The following DESI2 variants were observed in gnomAD, a reference collection of about 807,000 sequenced individuals.
DESI2 encodes the protein desumoylating isopeptidase 2.
Under a neutral mutation model 24.1 loss-of-function variants are expected in DESI2, and 10 were observed. That is an observed-to-expected ratio of 0.41 (90% CI 0.26 to 0.70). DESI2 has a LOEUF of 0.70. DESI2 is among the 30% of genes least tolerant of loss of function. DESI2 has a pLI of 0.29. For synonymous variants in DESI2, 71 were observed against 87.7 expected (o/e 0.81, Z 1.06); for missense variants, 122 against 234.9 (o/e 0.52, Z 3.14).
chr1:244,696,489 G>A (rs918693181), intron 4 of DESI2, among the ~76,000 whole-genome samples: 2 of 152,070 alleles, frequency 1.3e-5, no homozygotes, highest in African/African-American at 4.8e-5. Flanking sequence ...GCACGGTGGT[G>A]TGTGCCTGTA....
intron 1 of DESI2, among the ~76,000 whole-genome samples, chr1:244,673,296 C>G (rs773502842): frequency 8.5e-5 from 13 of 152,302 alleles, no homozygotes; most frequent in Non-Finnish European, 1.5e-4. Flanking sequence ...AGGGCTTACC[C>G]TCTTTTCCTC....
At chr1:244,682,891 C>T (rs1249507399) in intron 1 of DESI2, among the ~76,000 whole-genome samples, 4 of 150,984 alleles carry the variant, frequency 2.6e-5, no homozygotes, top group African/African-American at 9.8e-5. Flanking sequence ...TTTGTTAAAG[C>T]ACAGTAAGGC....
At chr1:244,659,934 A>G (rs1054232952) in intron 1 of DESI2, among the ~76,000 whole-genome samples, 1 of 152,220 alleles carries the variant, frequency 6.6e-6, no homozygotes, top group Admixed American at 6.5e-5. Context: ...AATTTGAAGT[A>G]TTTGAAAAAT....
At position 244,706,015 on chromosome 1, in the gene DESI2, A is replaced by T. The variant is rs934307449; in HGVS notation, c.*226A>T. The T allele has an allele frequency of 1.3e-5, 7 of 524,648 alleles. No individual in the cohort carries two copies. In the African/African-American group the frequency reaches 1.3e-4, roughly 10 times the overall value. The allele number at this position is 524,648 out of a possible 1,614,324, so 32.5% of individuals were successfully genotyped here. ...CCTCTGTTTTTTTTATCCACTCGTA[A>T]ATCTGGATTTATTTCTTCTGTTTTA... On this transcript the variant is annotated 3_prime_UTR_variant, in exon 5 of 5. Transcript: ENST00000302550.
At chr1:244,665,203 T>TA (rs1203757552) in intron 1 of DESI2, among the ~76,000 whole-genome samples, 2 of 152,118 alleles carry the variant, frequency 1.3e-5, no homozygotes, top group East Asian at 3.8e-4. Flanking sequence ...GCCACTATAC[T>TA]AAGCCATTTC....
intron 1 of DESI2, among the ~76,000 whole-genome samples, chr1:244,661,665 T>C (rs1675849571): frequency 6.6e-6 from 1 of 151,446 alleles, no homozygotes; most frequent in East Asian, 1.9e-4. Context: ...CGGTGTTTGG[T>C]TTTTTGTCCT....
At chr1:244,661,156 C>G (rs1041300976) in intron 1 of DESI2, among the ~76,000 whole-genome samples, 1 of 152,224 alleles carries the variant, frequency 6.6e-6, no homozygotes, top group Non-Finnish European at 1.5e-5. Context: ...TCTATACCCA[C>G]TAAACAACAA....
chr1:244,666,902 C>T (rs1210011581), intron 1 of DESI2, among the ~76,000 whole-genome samples: 1 of 152,034 alleles, frequency 6.6e-6, no homozygotes, highest in African/African-American at 2.4e-5. Context: ...GAGGAAGAAG[C>T]AGAAGTGGAA....
In DESI2 at chr1:244,676,216, A is replaced by G. The variant is rs1396957465; in HGVS notation, c.43-10381A>G. Reference sequence around the variant, plus strand: ...CTCAGCCTCCCGAGCAGCTGAAACTACAGGTGCCTGCCACCACACCCGGCT... The same window carrying G: ...CTCAGCCTCCCGAGCAGCTGAAACTGCAGGTGCCTGCCACCACACCCGGCT... On this transcript the variant is annotated intron_variant, in intron 1 of 4. Coordinates refer to ENST00000302550, the MANE Select transcript of DESI2 (RefSeq NM_016076.5). Among the ~76,000 whole-genome samples the G allele has an allele frequency of 2.0e-5, 3 of 151,858 alleles. No individual in the cohort carries two copies. The East Asian group carries it at 5.8e-4, about 29-fold the overall frequency.
rs747434645 is a variant in DESI2 at position 244,705,678 on chromosome 1, T to C, written c.474T>C (p.Ser158=). ...EWLTPAALQS[S]VSQELQDELE... ...TCACGCCCGCAGCCCTGCAGTCTAG[T>C]GTCAGCCAAGAACTCCAGGATGAAC... Residue 158 remains serine (S), a synonymous_variant, in exon 5 of 5, where the codon AGT becomes AGC. Transcript: ENST00000302550. The C allele has an allele frequency of 3.1e-6, 5 of 1,614,164 alleles. No individual in the cohort carries two copies. Among genetic ancestry groups the C allele is most frequent in the South Asian group, 1.1e-5 (1 of 91,086 alleles).
chr1:244,672,008 G>C (rs543770366), intron 1 of DESI2, among the ~76,000 whole-genome samples: 4 of 152,252 alleles, frequency 2.6e-5, no homozygotes, highest in Non-Finnish European at 4.4e-5. Context: ...ACATGATTTG[G>C]ATGTTTGTCC....
chr1:244,657,000 T>C (rs1675669612), intron 1 of DESI2, among the ~76,000 whole-genome samples: 1 of 152,160 alleles, frequency 6.6e-6, no homozygotes, highest in Non-Finnish European at 1.5e-5. Context: ...CTCAAATTCC[T>C]GTCCTCAAGT....
intron 1 of DESI2, among the ~76,000 whole-genome samples, chr1:244,681,731 A>G (rs1395067801): frequency 6.6e-6 from 1 of 152,228 alleles, no homozygotes; most frequent in Non-Finnish European, 1.5e-5. Context: ...TATATATCTC[A>G]GTAAGGGTAT....
intron 1 of DESI2, among the ~76,000 whole-genome samples, chr1:244,666,231 T>C (rs879604): frequency 0.4 from 60,372 of 152,174 alleles, 13,765 homozygotes; most frequent in Middle Eastern, 0.51. Context: ...CCACCACCAC[T>C]GTTTTACCAT....
At chr1:244,658,992 A>G (rs1247005983) in intron 1 of DESI2, among the ~76,000 whole-genome samples, 2 of 151,966 alleles carry the variant, frequency 1.3e-5, no homozygotes. Context: ...TTTAACATAA[A>G]TTAACTAGTT....
chr1:244,699,014 G>T (rs752486140), intron 4 of DESI2, among the ~76,000 whole-genome samples: 1 of 152,166 alleles, frequency 6.6e-6, no homozygotes, highest in Non-Finnish European at 1.5e-5. Flanking sequence ...GTGTTTACTT[G>T]GGACTTCTGG....
At position 244,708,303 on chromosome 1, in the gene DESI2, C is replaced by G. The variant is rs772581183; in HGVS notation, c.*2514C>G. 2 of 152,454 alleles carry G rather than the reference C, an allele frequency of 1.3e-5. No individual in the cohort carries two copies. The highest frequency in any genetic ancestry group is 2.9e-5 in the Non-Finnish European group (2 of 68,032). 9.4% of individuals were successfully genotyped at this position (152,454 alleles called of 1,614,324 possible). On this transcript the variant is annotated 3_prime_UTR_variant, in exon 5 of 5. Transcript: ENST00000302550. The stretch of plus-strand genomic sequence containing the variant: ...GGTTTCTGCTGTTTGCTTTAAATAC[C>G]CTTGGGGTTTTTTTTTAAACCCTTA...
At chr1:244,683,322 C>CTTTTTTTTTTTTTTTTTTTTTTTTTTTT (rs1558660353) in intron 1 of DESI2, among the ~76,000 whole-genome samples, 2 of 151,770 alleles carry the variant, frequency 1.3e-5, no homozygotes, top group African/African-American at 4.9e-5. Flanking sequence ...TTACTTTTTT[C>CTTTTTTTTTTTTTTTTTTTTTTTTTTTT]TTTTTTTGAG....
At chr1:244,688,434 C>G (rs1676897577) in intron 2 of DESI2, among the ~76,000 whole-genome samples, 2 of 152,066 alleles carry the variant, frequency 1.3e-5, no homozygotes. Flanking sequence ...CCTGTTCTTT[C>G]CTGTGCTTTG....
Sources: gnomAD v4.1 joint callset for allele counts (sites outside exome capture counted in the v4.1 genomes callset) on GRCh38, gnomAD v4.1.1 for gene constraint, MANE v1.5 for transcripts, NCBI Gene and HGNC (gene_info 2026-07-23, HGNC 2026-07-21) for gene names.